TEAD1: variants seen among roughly 807,000 people sequenced by gnomAD.
TEAD1 encodes transcriptional enhancer factor TEF-1.
Under a neutral mutation model 54.9 loss-of-function variants are expected in TEAD1, and 9 were observed. That is an observed-to-expected ratio of 0.16 (90% CI 0.10 to 0.29). TEAD1 has a LOEUF of 0.29. TEAD1 is among the 10% of genes least tolerant of loss of function. The pLI is 1.00. For synonymous variants in TEAD1, 200 were observed against 187.8 expected (o/e 1.07, Z -0.53); for missense variants, 387 against 535.9 (o/e 0.72, Z 2.74).
At chr11:12,804,982 C>A (rs542744563) in intron 3 of TEAD1, among the ~76,000 whole-genome samples, 2 of 152,140 alleles carry the variant, frequency 1.3e-5, no homozygotes, top group African/African-American at 4.8e-5. Context: ...GCACATTTGT[C>A]CAGTAGACTC....
chr11:12,806,201 T>C (rs1346329986), intron 3 of TEAD1, among the ~76,000 whole-genome samples: 4 of 152,240 alleles, frequency 2.6e-5, no homozygotes, highest in Non-Finnish European at 5.9e-5. Flanking sequence ...GGTTCAAATT[T>C]AGAGGCCTGC....
intron 10 of TEAD1, among the ~76,000 whole-genome samples, chr11:12,906,477 G>C (rs187534627): frequency 3.2e-4 from 48 of 151,542 alleles, no homozygotes; most frequent in Non-Finnish European, 4.7e-4. Flanking sequence ...GGAGGCGGAG[G>C]TTGCAGTGAG....
At chr11:12,907,505 C>A (rs1428428490) in intron 10 of TEAD1, among the ~76,000 whole-genome samples, 2 of 152,046 alleles carry the variant, frequency 1.3e-5, no homozygotes, top group African/African-American at 4.8e-5. Context: ...CTTTCTATTT[C>A]TTTTGCCCTC....
chr11:12,747,645 T>C (rs1484940174), intron 2 of TEAD1, among the ~76,000 whole-genome samples: 1 of 152,116 alleles, frequency 6.6e-6, no homozygotes, highest in Non-Finnish European at 1.5e-5. Context: ...CTATTAGTTT[T>C]GTTGTCAGCT....
intron 3 of TEAD1, among the ~76,000 whole-genome samples, chr11:12,805,293 T>C (rs1946146493): frequency 6.6e-6 from 1 of 152,216 alleles, no homozygotes; most frequent in African/African-American, 2.4e-5. Flanking sequence ...TGTTTATTTA[T>C]TTCTTTGGGG....
At chr11:12,901,779 C>G (rs530157054) in intron 9 of TEAD1, among the ~76,000 whole-genome samples, 161 bp from the exon 10 acceptor site, 1 of 152,168 alleles carries the variant, frequency 6.6e-6, no homozygotes. Flanking sequence ...AAGCTATAAT[C>G]GCTTTTCTAA....
At chr11:12,715,788 G>C (rs1411190899) in intron 2 of TEAD1, among the ~76,000 whole-genome samples, 5 of 151,918 alleles carry the variant, frequency 3.3e-5, no homozygotes, top group Non-Finnish European at 7.4e-5. Context: ...GCAATATTTG[G>C]GAAAAATTTA....
Position 12,826,047 on chromosome 11 carries a change from A to G in TEAD1, c.203-36203A>G, listed in dbSNP as rs768340307. ...CAAAATGGATCCTAGGCTAAAGTGT[A>G]GAAGGTTAAGCTAAATCTTTTAGCA... On this transcript the variant is annotated intron_variant, in intron 3 of 12. Transcript: ENST00000527636. Among the ~76,000 whole-genome samples the G allele has an allele frequency of 3.9e-5, 6 of 152,236 alleles. No homozygotes were observed. In the South Asian group the frequency reaches 6.2e-4, roughly 16 times the overall value.
intron 3 of TEAD1, among the ~76,000 whole-genome samples, chr11:12,843,898 G>A (rs1395353815): frequency 6.6e-6 from 1 of 152,146 alleles, no homozygotes; most frequent in African/African-American, 2.4e-5. Context: ...TGACCACGAA[G>A]CCTAATATTA....
At chr11:12,688,341 T>G (rs1943378231) in intron 2 of TEAD1, among the ~76,000 whole-genome samples, 1 of 152,138 alleles carries the variant, frequency 6.6e-6, no homozygotes. Context: ...CTTTGACACC[T>G]TGGTTGGTTT....
chr11:12,862,008 A>G (rs1049663583), intron 3 of TEAD1, among the ~76,000 whole-genome samples: 3 of 146,150 alleles, frequency 2.1e-5, no homozygotes, highest in African/African-American at 7.7e-5. Flanking sequence ...TTTTTTTTTA[A>G]AAAAAAGGAT....
rs1185726643 is a variant in TEAD1 at position 12,719,973 on chromosome 11, TTTTTTTTTTTTTTTTTTTTTTG to T, written c.-54-44205_-54-44184del. Among the ~76,000 whole-genome samples the T allele has an allele frequency of 7.7e-3, 516 of 67,312 alleles. 15 individuals carry two copies. Among genetic ancestry groups the T allele is most frequent in the Middle Eastern group, 0.011 (2 of 184 alleles). The allele number at this position is 67,312 out of a possible 152,430, so 44.2% of individuals were successfully genotyped here. A position where few individuals can be genotyped will look rare whatever the true frequency, so the allele number is the denominator to read the frequency against. ...TGTTTTTTTTTTTTTTTTTTTTTTT[TTTTTTTTTTTTTTTTTTTTTTG>T]GGGGGGGACCCAGCCATGCTGTGTC... On this transcript the variant is annotated intron_variant, in intron 2 of 12. Coordinates refer to ENST00000527636, the MANE Select transcript of TEAD1 (RefSeq NM_021961.6).
intron 6 of TEAD1, among the ~76,000 whole-genome samples, chr11:12,880,593 G>C (rs1365307152): frequency 2.6e-5 from 4 of 152,200 alleles, no homozygotes; most frequent in African/African-American, 9.7e-5. Flanking sequence ...CCTTGTTCAA[G>C]CTTTGTCCTC....
At chr11:12,899,001 GAT>G (rs1163658081) in intron 9 of TEAD1, among the ~76,000 whole-genome samples, 3 of 152,272 alleles carry the variant, frequency 2.0e-5, no homozygotes, top group East Asian at 3.9e-4. Context: ...GGGACATTTT[GAT>G]GTTAAGCACA....
At chr11:12,921,790 A>C (rs1290218637) in intron 10 of TEAD1, among the ~76,000 whole-genome samples, 1 of 152,138 alleles carries the variant, frequency 6.6e-6, no homozygotes, top group Non-Finnish European at 1.5e-5. Context: ...ACTGGAGCTC[A>C]GTTAGACCCA....
At chr11:12,790,805 C>T (rs1467465239) in intron 3 of TEAD1, among the ~76,000 whole-genome samples, 2 of 152,062 alleles carry the variant, frequency 1.3e-5, no homozygotes, top group Non-Finnish European at 2.9e-5. Context: ...AAATTAAAAC[C>T]CCAGTGAGTT....
chr11:12,784,969 G>A (rs563415022), intron 3 of TEAD1, among the ~76,000 whole-genome samples: 1 of 152,294 alleles, frequency 6.6e-6, no homozygotes, highest in African/African-American at 2.4e-5. Context: ...GCTCTCTTGG[G>A]GTCAGCATGA....
intron 3 of TEAD1, among the ~76,000 whole-genome samples, chr11:12,817,003 G>A (rs764647171): frequency 9.9e-5 from 15 of 152,168 alleles, no homozygotes; most frequent in Non-Finnish European, 1.6e-4. Context: ...AAGCCGAGGC[G>A]AGGTTTATGC....
At chr11:12,834,641 T>A (rs1177940220) in intron 3 of TEAD1, among the ~76,000 whole-genome samples, 1 of 152,202 alleles carries the variant, frequency 6.6e-6, no homozygotes, top group East Asian at 1.9e-4. Context: ...TGTTGTTTTC[T>A]TGTAGGGATG....
Sources: allele counts gnomAD v4.1 joint callset (sites outside exome capture counted in the v4.1 genomes callset), GRCh38; gene constraint gnomAD v4.1.1; transcripts MANE v1.5; gene names NCBI Gene and HGNC (gene_info 2026-07-23, HGNC 2026-07-21).